The following COL24A1 variants were observed in gnomAD, a reference collection of about 807,000 sequenced individuals.
COL24A1 encodes collagen type XXIV alpha 1 chain, also known as collagen alpha-1(XXIV) chain.
In COL24A1, 224 loss-of-function variants were observed where a neutral mutation model predicts 253.9. The observed-to-expected ratio is 0.88, with a 90% CI of 0.79 to 0.99. COL24A1 has a LOEUF of 0.99. Ranked by LOEUF, COL24A1 falls within the 50% of genes least tolerant of loss-of-function variation. The pLI is 0.00. For synonymous variants in COL24A1, 685 were observed against 673.7 expected (o/e 1.02, Z -0.26); for missense variants, 2,131 against 2,068.5 (o/e 1.03, Z -0.59).
rs559165889 is a variant in COL24A1 at position 86,011,796 on chromosome 1, C to T, written c.2310+5355G>A. ...CCATGCAGAGAACAAGGAGAATGTT[C>T]TGACTTCTTTTGTGATCTTATACCT... On this transcript the variant is annotated intron_variant, in intron 19 of 59. Coordinates refer to ENST00000370571, the MANE Select transcript of COL24A1 (RefSeq NM_152890.7). 4.6e-5 allele frequency among the ~76,000 whole-genome samples: 7 copies of T among 152,308 alleles called. No individual in the cohort carries two copies. In the East Asian group the frequency reaches 1.4e-3, roughly 29 times the overall value.
chr1:86,102,376 C>A (rs1704547693), intron 5 of COL24A1, among the ~76,000 whole-genome samples: 1 of 152,128 alleles, frequency 6.6e-6, no homozygotes, highest in African/African-American at 2.4e-5. Flanking sequence ...TTGCATGTCT[C>A]AATCTCCTTC....
At chr1:85,970,677 T>C (rs1041190035) in intron 21 of COL24A1, among the ~76,000 whole-genome samples, 2 of 152,210 alleles carry the variant, frequency 1.3e-5, no homozygotes, top group African/African-American at 4.8e-5. Context: ...TAGAATCATA[T>C]AGTATATGTT....
At chr1:86,151,025 A>ATTT (rs1652687210) in intron 1 of COL24A1, among the ~76,000 whole-genome samples, 1 of 152,080 alleles carries the variant, frequency 6.6e-6, no homozygotes, top group Non-Finnish European at 1.5e-5. Flanking sequence ...TTACTTAGCA[A>ATTT]AATGTTATAT....
chr1:86,151,568 G>T (rs530218259), intron 1 of COL24A1, among the ~76,000 whole-genome samples: 4 of 152,124 alleles, frequency 2.6e-5, no homozygotes, highest in Admixed American at 1.3e-4. Context: ...CCAGACATGT[G>T]AGGGTAAAGG....
intron 32 of COL24A1, among the ~76,000 whole-genome samples, chr1:85,888,274 A>C (rs1345077977): frequency 1.3e-5 from 2 of 152,116 alleles, no homozygotes; most frequent in African/African-American, 4.8e-5. Flanking sequence ...ATGTTTACAA[A>C]ATAGATATCA....
At chr1:86,079,656 T>A (rs1043384837) in intron 7 of COL24A1, among the ~76,000 whole-genome samples, 1 of 152,054 alleles carries the variant, frequency 6.6e-6, no homozygotes, top group African/African-American at 2.4e-5. Context: ...TTTTTCAAAA[T>A]GAGACAAGGA....
At chr1:86,031,800 T>A in intron 14 of COL24A1, 78 bp downstream of exon 14, 2 of 1,163,496 alleles carry the variant, frequency 1.7e-6, no homozygotes, top group South Asian at 3.5e-5. Context: ...TTTCCCTAAG[T>A]TTCAAAAACA....
intron 51 of COL24A1, among the ~76,000 whole-genome samples, chr1:85,781,740 A>T (rs1008232210): frequency 3.9e-5 from 6 of 152,174 alleles, no homozygotes; most frequent in African/African-American, 1.4e-4. Context: ...GACCAACTAA[A>T]CTTCAGTTCT....
At chr1:86,137,812 T>G (rs1053523102) in intron 2 of COL24A1, among the ~76,000 whole-genome samples, 12 of 152,152 alleles carry the variant, frequency 7.9e-5, no homozygotes, top group Non-Finnish European at 1.6e-4. Flanking sequence ...TTCAATGTAT[T>G]TTCCCCAAAC....
chr1:86,099,787 C>T (rs1704284909), intron 5 of COL24A1, among the ~76,000 whole-genome samples: 1 of 152,100 alleles, frequency 6.6e-6, no homozygotes, highest in Non-Finnish European at 1.5e-5. Flanking sequence ...ACTGGTATCC[C>T]TGTTTCCACC....
chr1:86,008,157 G>T (rs187731403), intron 19 of COL24A1, among the ~76,000 whole-genome samples: 2 of 152,260 alleles, frequency 1.3e-5, no homozygotes, highest in African/African-American at 4.8e-5. Context: ...CTCCATACAT[G>T]TAGGAAATAT....
At chr1:85,934,534 T>C (rs1019662850) in intron 24 of COL24A1, among the ~76,000 whole-genome samples, 4 of 152,188 alleles carry the variant, frequency 2.6e-5, no homozygotes, top group Non-Finnish European at 4.4e-5. Context: ...TCATTCTTAT[T>C]AGTTATTATC....
At chr1:85,807,505 A>G (rs1672104244) in intron 47 of COL24A1, among the ~76,000 whole-genome samples, 1 of 152,236 alleles carries the variant, frequency 6.6e-6, no homozygotes, top group South Asian at 2.1e-4. Flanking sequence ...ACTGTTTTGC[A>G]CAGATCTGTG....
In COL24A1 at chr1:85,958,143, GA is replaced by G. The variant is rs376657017; in HGVS notation, c.2562+3105del. ...TAGTTATTTTCATCGTTTTACTGCT[GA>G]AAAAAAAACAAATATTTAGAAACAT... On this transcript the variant is annotated intron_variant, in intron 24 of 59. Coordinates refer to ENST00000370571, the MANE Select transcript of COL24A1 (RefSeq NM_152890.7). 4.2e-4 allele frequency among the ~76,000 whole-genome samples: 62 copies of G among 148,634 alleles called. 1 individual carries two copies. The highest frequency in any genetic ancestry group is 1.4e-3 in the East Asian group (7 of 5,118).
intron 57 of COL24A1, among the ~76,000 whole-genome samples, chr1:85,743,641 T>C (rs1018227775): frequency 6.6e-6 from 1 of 152,170 alleles, no homozygotes; most frequent in Non-Finnish European, 1.5e-5. Context: ...CATTTCATAC[T>C]AATTTTGTAT....
At chr1:85,907,077 C>T in intron 28 of COL24A1, 117 bp downstream of exon 28, 1 of 696,224 alleles carries the variant, frequency 1.4e-6, no homozygotes, top group East Asian at 2.6e-5. Context: ...ATAGAAAAAA[C>T]CTGACAAGAT....
chr1:85,854,532 T>C, intron 37 of COL24A1, among the ~76,000 whole-genome samples: 1 of 152,100 alleles, frequency 6.6e-6, no homozygotes, highest in Admixed American at 6.6e-5. Flanking sequence ...AGGACTGGCA[T>C]TGAGTCTTTA....
chr1:85,816,842 A>G lies in COL24A1; in HGVS notation c.3897T>C (p.Asp1299=), dbSNP rs1230180202. ...TTTTTCCAGGGTTTCCTGAAATGCC[A>G]TCTGCTCCATGGTATCCTTGTATGC... ...PKGIQGYHGA[D]GISGNPGKIG... Residue 1299 remains aspartate, a synonymous_variant, in exon 47 of 60, where the codon GAT becomes GAC. Coordinates refer to ENST00000370571, the MANE Select transcript of COL24A1 (RefSeq NM_152890.7). The G allele has an allele frequency of 2.5e-6, 4 of 1,614,050 alleles. No homozygotes were observed. Among genetic ancestry groups the G allele is most frequent in the East Asian group, 2.2e-5 (1 of 44,866 alleles).
intron 24 of COL24A1, among the ~76,000 whole-genome samples, chr1:85,944,608 A>C (rs1359549157): frequency 6.6e-6 from 1 of 150,668 alleles, no homozygotes; most frequent in Non-Finnish European, 1.5e-5. Context: ...TTTTTTTATT[A>C]TTATTATACT....
Sources: gnomAD v4.1 joint callset for allele counts (sites outside exome capture counted in the v4.1 genomes callset) on GRCh38, gnomAD v4.1.1 for gene constraint, MANE v1.5 for transcripts, NCBI Gene and HGNC (gene_info 2026-07-23, HGNC 2026-07-21) for gene names.